Variants in MAPK8 observed in about 807,000 individuals in gnomAD.
MAPK8 encodes the protein JUN N-terminal kinase.
MAPK8 carries 13 observed loss-of-function variants against 52.9 expected under a neutral mutation model. The observed-to-expected ratio is 0.25, with a 90% confidence interval of 0.16 to 0.39. MAPK8 has a LOEUF of 0.39. MAPK8 is among the 10% of genes least tolerant of loss of function. MAPK8 has a pLI of 1.00. For missense variants in MAPK8, 300 were observed against 519.2 expected (o/e 0.58, Z 4.10); for synonymous variants, 191 against 169.8 (o/e 1.12, Z -0.97).
At chr10:48,348,129 T>C (rs1845965270) in intron 1 of MAPK8, among the ~76,000 whole-genome samples, 1 of 152,250 alleles carries the variant, frequency 6.6e-6, no homozygotes, top group Non-Finnish European at 1.5e-5. Context: ...GATTTGCATT[T>C]CTCTAATGAC....
intron 1 of MAPK8, among the ~76,000 whole-genome samples, chr10:48,334,687 C>T (rs567305024): frequency 5.9e-4 from 90 of 152,214 alleles, no homozygotes; most frequent in Middle Eastern, 3.4e-3. Context: ...TCTGACTCTA[C>T]GCAGGCATAA....
rs1381451574 is a variant in MAPK8, at chr10:48,372,647, A to G, written c.-49-28965A>G. Among the ~76,000 whole-genome samples, 6 of 152,218 alleles carry G rather than the reference A, an allele frequency of 3.9e-5. No individual in the cohort carries two copies. The East Asian group carries it at 1.2e-3, about 29-fold the overall frequency. On this transcript the variant is annotated intron_variant, in intron 1 of 11. Transcript: ENST00000374189. ...TCAGAGATTGAAGATTAACTCAATGAAATAAAGTAAGAAGACCAGATTAGA... is the reference window on the plus strand; with the variant it reads ...TCAGAGATTGAAGATTAACTCAATGGAATAAAGTAAGAAGACCAGATTAGA...
At position 48,435,575 on chromosome 10, in the gene MAPK8, TAGG is replaced by T. The variant is rs1264169300; in HGVS notation, c.*549_*551del. On this transcript the variant is annotated 3_prime_UTR_variant, in exon 12 of 12. Coordinates refer to ENST00000374189, the MANE Select transcript of MAPK8 (RefSeq NM_001323329.2). ...TAACTACTGTAAATGATGAACGTGTTAGGAGACCTCCAATATTTGCTACTTGCC... is the reference window on the plus strand; with the variant it reads ...TAACTACTGTAAATGATGAACGTGTTAGACCTCCAATATTTGCTACTTGCC... The T allele has an allele frequency of 6.6e-6, 1 of 152,220 alleles. No homozygotes were observed. The highest frequency in any genetic ancestry group is 2.4e-5 in the African/African-American group (1 of 41,448). 9.4% of individuals were successfully genotyped at this position (152,220 alleles called of 1,614,324 possible). A position where few individuals can be genotyped will look rare whatever the true frequency, so the allele number is the denominator to read the frequency against.
intron 1 of MAPK8, among the ~76,000 whole-genome samples, chr10:48,397,958 G>C (rs1178433822): frequency 6.6e-6 from 1 of 152,128 alleles, no homozygotes; most frequent in East Asian, 1.9e-4. Context: ...AATTTGTATA[G>C]AACTATACAC....
At chr10:48,377,852 A>C (rs1384484637) in intron 1 of MAPK8, among the ~76,000 whole-genome samples, 1 of 152,202 alleles carries the variant, frequency 6.6e-6, no homozygotes, top group East Asian at 1.9e-4. Flanking sequence ...CAGGAATTCT[A>C]ATTGGTTTAC....
chr10:48,376,635 A>G (rs1364034757), intron 1 of MAPK8, among the ~76,000 whole-genome samples: 1 of 152,256 alleles, frequency 6.6e-6, no homozygotes, highest in Non-Finnish European at 1.5e-5. Context: ...AAAAATGCTC[A>G]TCATCACTGG....
At chr10:48,307,159 G>C (rs1240371221) in intron 1 of MAPK8, 1 of 152,732 alleles carries the variant, frequency 6.5e-6, no homozygotes, top group East Asian at 1.9e-4. Context: ...TGGGTGGCAA[G>C]TTCTGAAACA....
chr10:48,412,327 C>T (rs534119540), intron 5 of MAPK8, among the ~76,000 whole-genome samples: 24 of 152,176 alleles, frequency 1.6e-4, no homozygotes, highest in Non-Finnish European at 1.0e-4. Flanking sequence ...TAGTGCAGAT[C>T]TCTTTATGTT....
intron 1 of MAPK8, among the ~76,000 whole-genome samples, chr10:48,336,552 A>G (rs1042938291): frequency 2.6e-5 from 4 of 152,194 alleles, no homozygotes; most frequent in African/African-American, 9.6e-5. Context: ...AATTTACTCT[A>G]TTAGAAATTA....
In MAPK8 at chr10:48,438,454, C is replaced by G. The variant is rs2045036321; in HGVS notation, c.*3425C>G. 6.6e-6 allele frequency: 1 copy of G among 152,238 alleles called. No homozygotes were observed. The highest frequency in any genetic ancestry group is 2.1e-4 in the South Asian group (1 of 4,832). 9.4% of individuals were successfully genotyped at this position (152,238 alleles called of 1,614,324 possible). A position where few individuals can be genotyped will look rare whatever the true frequency, so the allele number is the denominator to read the frequency against. ...AACAGAAGTCCTAATTTCAAACTGA[C>G]TGCTCTTCGTTAAGTGCTCTTAAGG... is the stretch of plus-strand genomic sequence containing the variant. On this transcript the variant is annotated 3_prime_UTR_variant, in exon 12 of 12. Coordinates refer to ENST00000374189, the MANE Select transcript of MAPK8 (RefSeq NM_001323329.2).
chr10:48,387,012 G>T (rs1472590398), intron 1 of MAPK8, among the ~76,000 whole-genome samples: 2 of 152,188 alleles, frequency 1.3e-5, no homozygotes, highest in Non-Finnish European at 2.9e-5. Context: ...ACAGTTTCTT[G>T]TTGAGACAGT....
At chr10:48,410,464 A>G (rs770363235) in intron 5 of MAPK8, 3 of 251,700 alleles carry the variant, frequency 1.2e-5, no homozygotes, top group African/African-American at 2.2e-5. Context: ...CTCCATGTTT[A>G]CCGTGTATCA....
In MAPK8 at chr10:48,352,426, A is replaced by G. The variant is rs564548052; in HGVS notation, c.-50+45605A>G. ...CGGTATATAAATAGAATTAAACACA[A>G]TGACCAAGTGGACTTTATTTTGGGA... On this transcript the variant is annotated intron_variant, in intron 1 of 11. Coordinates refer to ENST00000374189, the MANE Select transcript of MAPK8 (RefSeq NM_001323329.2). Among the ~76,000 whole-genome samples, 30 of 152,316 alleles carry G rather than the reference A, an allele frequency of 2.0e-4. No individual in the cohort carries two copies. In the East Asian group the frequency reaches 4.0e-3, roughly 21 times the overall value.
At chr10:48,404,686 T>C (rs916294100) in intron 2 of MAPK8, among the ~76,000 whole-genome samples, 166 bp from the exon 3 acceptor site, 2 of 152,200 alleles carry the variant, frequency 1.3e-5, no homozygotes, top group Non-Finnish European at 2.9e-5. Flanking sequence ...CAAAAAAATA[T>C]ATGTTGTAAT....
At chr10:48,352,255 C>T (rs376533278) in intron 1 of MAPK8, among the ~76,000 whole-genome samples, 7 of 151,278 alleles carry the variant, frequency 4.6e-5, no homozygotes, top group African/African-American at 1.7e-4. Context: ...TAAGGGAATA[C>T]TTCCTAATTC....
intron 1 of MAPK8, among the ~76,000 whole-genome samples, chr10:48,355,196 G>A (rs928357108): frequency 2.6e-5 from 4 of 152,190 alleles, no homozygotes; most frequent in Non-Finnish European, 5.9e-5. Flanking sequence ...GAAAATTATA[G>A]TAGTTGAAAC....
intron 1 of MAPK8, among the ~76,000 whole-genome samples, chr10:48,373,121 A>G (rs2040426128): frequency 6.6e-6 from 1 of 152,172 alleles, no homozygotes; most frequent in African/African-American, 2.4e-5. Context: ...CGAGAATTTC[A>G]TATCCAGCCA....
intron 1 of MAPK8, chr10:48,326,017 C>G (rs1268393588): frequency 6.6e-6 from 1 of 152,164 alleles, no homozygotes; most frequent in Non-Finnish European, 1.5e-5. Flanking sequence ...GATCACCTGG[C>G]TGAGGTAATG....
At chr10:48,348,448 A>G (rs942762108) in intron 1 of MAPK8, among the ~76,000 whole-genome samples, 3 of 152,302 alleles carry the variant, frequency 2.0e-5, no homozygotes, top group African/African-American at 2.4e-5. Context: ...TGTTTTAGTC[A>G]TGAAATCTTT....
Sources: allele counts gnomAD v4.1 joint callset (sites outside exome capture counted in the v4.1 genomes callset), GRCh38; gene constraint gnomAD v4.1.1; transcripts MANE v1.5; gene names NCBI Gene and HGNC (gene_info 2026-07-23, HGNC 2026-07-21).